The following MBD5 variants were observed in gnomAD, a reference collection of about 807,000 sequenced individuals.
MBD5 encodes the protein methyl-CpG-binding domain protein 5.
A neutral mutation model predicts 117.3 loss-of-function variants in MBD5; 13 were observed. The ratio of observed to expected loss-of-function variants is 0.11; its 90% CI spans 0.07 to 0.18. The LOEUF (loss-of-function observed/expected upper bound fraction) is 0.18. MBD5 is among the 10% of genes least tolerant of loss of function. The pLI is 1.00. For missense variants in MBD5, 1,879 were observed against 2,093.8 expected, an observed-to-expected ratio of 0.90 and a Z score of 2.00; for synonymous variants, 727 against 766.4, an observed-to-expected ratio of 0.95 and a Z score of 0.85.
chr2:148,296,957 C>T (rs951166594), intron 3 of MBD5, among the ~76,000 whole-genome samples: 5 of 139,952 alleles, frequency 3.6e-5, no homozygotes, highest in Non-Finnish European at 6.1e-5. Context: ...TCACTGCAAC[C>T]TCCGCATCCC....
At chr2:148,105,430 G>A (rs1191690658) in intron 1 of MBD5, among the ~76,000 whole-genome samples, 2 of 152,002 alleles carry the variant, frequency 1.3e-5, no homozygotes. Flanking sequence ...TGTTGGTCAG[G>A]TTGGTCTCGA....
At chr2:148,343,591 T>A (rs551046503) in intron 4 of MBD5, among the ~76,000 whole-genome samples, 1 of 152,256 alleles carries the variant, frequency 6.6e-6, no homozygotes, top group African/African-American at 2.4e-5. Flanking sequence ...AAGTGTCTGT[T>A]CATGTCTTTT....
At chr2:148,130,575 T>G (rs1350028906) in intron 1 of MBD5, among the ~76,000 whole-genome samples, 1 of 149,430 alleles carries the variant, frequency 6.7e-6, no homozygotes, top group African/African-American at 2.5e-5. Flanking sequence ...AAAAATGCAC[T>G]CTGGGGATCA....
intron 4 of MBD5, among the ~76,000 whole-genome samples, chr2:148,362,849 T>A (rs1255994418): frequency 6.6e-6 from 1 of 152,120 alleles, no homozygotes; most frequent in Non-Finnish European, 1.5e-5. Context: ...GCAAACAGGG[T>A]CTGGAGTGGA....
intron 3 of MBD5, among the ~76,000 whole-genome samples, chr2:148,262,790 A>G (rs1700762867): frequency 6.6e-6 from 1 of 152,240 alleles, no homozygotes; most frequent in African/African-American, 2.4e-5. Flanking sequence ...GTCAGACTGG[A>G]GAACCCATAC....
intron 2 of MBD5, among the ~76,000 whole-genome samples, chr2:148,220,263 G>C (rs1699652949): frequency 1.3e-5 from 2 of 152,098 alleles, no homozygotes; most frequent in African/African-American, 4.8e-5. Context: ...ATTGAGAGAT[G>C]ACTGTAGGAC....
intron 4 of MBD5, among the ~76,000 whole-genome samples, chr2:148,382,923 A>G (rs1704201672): frequency 1.3e-5 from 2 of 151,600 alleles, no homozygotes; most frequent in African/African-American, 2.4e-5. Context: ...CAAAGACACA[A>G]CATACCAGAA....
chr2:148,188,196 C>A (rs953808340), intron 2 of MBD5, among the ~76,000 whole-genome samples: 12 of 152,044 alleles, frequency 7.9e-5, no homozygotes, highest in Admixed American at 6.6e-5. Context: ...TGAAAAAATT[C>A]AAAATTTGAA....
intron 4 of MBD5, among the ~76,000 whole-genome samples, chr2:148,440,974 TA>T (rs1706302746): frequency 6.6e-6 from 1 of 152,220 alleles, no homozygotes; most frequent in South Asian, 2.1e-4. Flanking sequence ...TAGGCATTTT[TA>T]GACATTGTTA....
intron 1 of MBD5, chr2:148,027,666 G>A (rs534462349): frequency 6.6e-6 from 1 of 152,130 alleles, no homozygotes; most frequent in South Asian, 2.1e-4. Context: ...TCCCAAATCT[G>A]TAAAAATCCA....
intron 1 of MBD5, among the ~76,000 whole-genome samples, chr2:148,064,999 C>T (rs1488869957): frequency 6.6e-6 from 1 of 152,054 alleles, no homozygotes; most frequent in Non-Finnish European, 1.5e-5. Context: ...CTTTCAGGCC[C>T]CATACACCAG....
chr2:148,375,660 T>A (rs1703969083), intron 4 of MBD5, among the ~76,000 whole-genome samples: 1 of 152,146 alleles, frequency 6.6e-6, no homozygotes, highest in African/African-American at 2.4e-5. Context: ...CATAGAAAAT[T>A]ATCAAAATAT....
At position 148,458,446 on chromosome 2, in the gene MBD5, A is replaced by G. The variant is rs1480932395; in HGVS notation, c.-313A>G. 1 of 565,208 alleles carries G rather than the reference A, an allele frequency of 1.8e-6. No homozygotes were observed. Among genetic ancestry groups the G allele is most frequent in the East Asian group, 2.8e-5 (1 of 35,804 alleles). The allele number at this position is 565,208 out of a possible 1,614,324, so 35.0% of individuals were successfully genotyped here. ...TAAAAACTTTACACTCCCCACCCCCACTTCAGACAGGTACCAGCATTGGTG... is the reference window on the plus strand; with the variant it reads ...TAAAAACTTTACACTCCCCACCCCCGCTTCAGACAGGTACCAGCATTGGTG... On this transcript the variant is annotated 5_prime_UTR_variant, in exon 5 of 14. Coordinates refer to ENST00000642680, the MANE Select transcript of MBD5 (RefSeq NM_001378120.1).
chr2:148,240,184 G>A lies in MBD5; in HGVS notation c.-680+6789G>A, dbSNP rs183015322. On this transcript the variant is annotated intron_variant, in intron 3 of 13. Transcript: ENST00000642680. The stretch of plus-strand genomic sequence containing the variant: ...TCGCGAGGACAGAAAACCAAACACT[G>A]CATGTTCTCACTCACAGGTGGGAAT... Among the ~76,000 whole-genome samples the A allele has an allele frequency of 2.6e-3, 390 of 152,222 alleles. 3 individuals are homozygous for A. The highest frequency in any genetic ancestry group is 9.1e-3 in the African/African-American group (378 of 41,536).
chr2:148,309,333 G>T (rs747191160), intron 3 of MBD5, among the ~76,000 whole-genome samples: 1 of 152,062 alleles, frequency 6.6e-6, no homozygotes, highest in Non-Finnish European at 1.5e-5. Flanking sequence ...ATTTCCTTCA[G>T]CAGTGGTTTG....
At chr2:148,475,353 A>T (rs756466858) in intron 8 of MBD5, among the ~76,000 whole-genome samples, 7 of 152,124 alleles carry the variant, frequency 4.6e-5, no homozygotes, top group Non-Finnish European at 8.8e-5. Flanking sequence ...TTGCTGTAAG[A>T]CATTCTTAAT....
intron 1 of MBD5, among the ~76,000 whole-genome samples, chr2:148,100,410 C>T (rs1019433113): frequency 1.3e-5 from 2 of 152,170 alleles, no homozygotes; most frequent in Non-Finnish European, 2.9e-5. Context: ...TTTCAGTTAT[C>T]TCCTGCTGCA....
At chr2:148,277,681 G>A (rs968776332) in intron 3 of MBD5, among the ~76,000 whole-genome samples, 3 of 151,854 alleles carry the variant, frequency 2.0e-5, no homozygotes, top group Non-Finnish European at 2.9e-5. Context: ...ATTTGTGCTC[G>A]TTTTGTTTTC....
intron 1 of MBD5, among the ~76,000 whole-genome samples, chr2:148,056,335 TTTC>T (rs1441279091): frequency 6.6e-6 from 1 of 152,152 alleles, no homozygotes; most frequent in Non-Finnish European, 1.5e-5. Flanking sequence ...ATGCCTTTTA[TTTC>T]TTCTTTTGCT....
Sources: allele counts gnomAD v4.1 joint callset (sites outside exome capture counted in the v4.1 genomes callset), GRCh38; gene constraint gnomAD v4.1.1; transcripts MANE v1.5; gene names NCBI Gene and HGNC (gene_info 2026-07-23, HGNC 2026-07-21).